The following GALNT18 variants were observed in gnomAD, a reference collection of about 807,000 sequenced individuals.
GALNT18 encodes GalNAc-transferase 18.
A neutral mutation model predicts 69.5 loss-of-function variants in GALNT18; 44 were observed. That is an observed-to-expected ratio of 0.63 (90% confidence interval 0.50 to 0.81). GALNT18 has a LOEUF of 0.81. Ranked by LOEUF, GALNT18 falls within the 40% of genes least tolerant of loss-of-function variation. The pLI, the probability that GALNT18 is intolerant of heterozygous loss-of-function variation, is 0.00. For missense variants in GALNT18, 715 were observed against 810.0 expected (o/e 0.88, Z 1.42); for synonymous variants, 364 against 318.2 (o/e 1.14, Z -1.53).
At position 11,591,022 on chromosome 11, in the gene GALNT18, C is replaced by T. The variant is rs1300780232; in HGVS notation, c.235+30337G>A. Among the ~76,000 whole-genome samples, 3 of 151,960 alleles carry T rather than the reference C, an allele frequency of 2.0e-5. No homozygotes were observed. The highest frequency in any genetic ancestry group is 4.4e-5 in the Non-Finnish European group (3 of 67,994). Reference sequence around the variant, plus strand: ...AACTGTAAGACAGTCTCAGGTAGGTCCTTCCTGAGATATTCCAGAAGAAGG... The same window carrying T: ...AACTGTAAGACAGTCTCAGGTAGGTTCTTCCTGAGATATTCCAGAAGAAGG... On this transcript the variant is annotated intron_variant, in intron 1 of 10. Transcript: ENST00000227756. This position sits in a 1 kb window ranked among gnomAD's most constrained non-coding sequence, Gnocchi z 4.8.
chr11:11,520,727 A>T (rs1857377136), intron 1 of GALNT18, among the ~76,000 whole-genome samples: 1 of 152,182 alleles, frequency 6.6e-6, no homozygotes, highest in Admixed American at 6.5e-5. Context: ...GGAGGGTTAA[A>T]GATGGGGTGG....
At chr11:11,498,538 C>G (rs1401606302) in intron 1 of GALNT18, among the ~76,000 whole-genome samples, 1 of 152,214 alleles carries the variant, frequency 6.6e-6, no homozygotes, top group Non-Finnish European at 1.5e-5. Context: ...GTGGCTAATG[C>G]CTGTAATCCC....
At chr11:11,478,810 T>C (rs904403043) in intron 1 of GALNT18, among the ~76,000 whole-genome samples, 1 of 151,846 alleles carries the variant, frequency 6.6e-6, no homozygotes, top group African/African-American at 2.4e-5. Flanking sequence ...CTCAATTGGC[T>C]TCTATGTGAA....
chr11:11,594,141 C>T (rs1859430071), intron 1 of GALNT18, among the ~76,000 whole-genome samples: 1 of 152,186 alleles, frequency 6.6e-6, no homozygotes, highest in Non-Finnish European at 1.5e-5. Context: ...AGAAGAATGT[C>T]AGGTCCAGGT....
rs4267062 is a variant in GALNT18 at position 11,601,805 on chromosome 11, T to C, written c.235+19554A>G. On this transcript the variant is annotated intron_variant, in intron 1 of 10. Transcript: ENST00000227756. The surrounding 1 kb of genome is among the most constrained non-coding windows in gnomAD (Gnocchi z 4.0). The stretch of plus-strand genomic sequence containing the variant: ...TAACATATAACAAAACCTGTTTTTT[T>C]CTCATCAATGTTATAACAAAACAAC... Among the ~76,000 whole-genome samples the C allele has an allele frequency of 2.2e-3, 342 of 152,342 alleles. 1 individual carries two copies. The highest frequency in any genetic ancestry group is 3.9e-3 in the Non-Finnish European group (262 of 68,036).
chr11:11,548,657 A>C (rs1286021087), intron 1 of GALNT18, among the ~76,000 whole-genome samples: 1 of 152,204 alleles, frequency 6.6e-6, no homozygotes, highest in Non-Finnish European at 1.5e-5. Context: ...CCATCTAAAC[A>C]AGTTCTGAAT....
At chr11:11,581,125 G>T (rs115620617) in intron 1 of GALNT18, among the ~76,000 whole-genome samples, 1 of 152,178 alleles carries the variant, frequency 6.6e-6, no homozygotes, top group African/African-American at 2.4e-5. Flanking sequence ...CCAAGGCTGC[G>T]GCAGCCAGAG....
At chr11:11,552,654 C>T (rs1858227110) in intron 1 of GALNT18, among the ~76,000 whole-genome samples, 1 of 152,138 alleles carries the variant, frequency 6.6e-6, no homozygotes, top group Non-Finnish European at 1.5e-5. Flanking sequence ...AAGGGCTCAA[C>T]AGCAGGGGCA....
chr11:11,289,528 A>C (rs1242231543), intron 10 of GALNT18, among the ~76,000 whole-genome samples: 1 of 152,110 alleles, frequency 6.6e-6, no homozygotes, highest in Non-Finnish European at 1.5e-5. Context: ...GGAAGGAGGG[A>C]GCTGGAACTT....
In GALNT18 at chr11:11,601,760, C is replaced by G. The variant is rs1452407070; in HGVS notation, c.235+19599G>C. Among the ~76,000 whole-genome samples, 1 of 152,192 alleles carries G rather than the reference C, an allele frequency of 6.6e-6. No individual in the cohort carries two copies. The highest frequency in any genetic ancestry group is 1.5e-5 in the Non-Finnish European group (1 of 68,028). ...AACATCATCAATAGATTCTTGGAAACTGTGACTTTAAGCAAAATATAACAT... is the reference window on the plus strand; with the variant it reads ...AACATCATCAATAGATTCTTGGAAAGTGTGACTTTAAGCAAAATATAACAT... On this transcript the variant is annotated intron_variant, in intron 1 of 10. Transcript: ENST00000227756. This position sits in a 1 kb window ranked among gnomAD's most constrained non-coding sequence, Gnocchi z 4.0.
chr11:11,363,345 C>G (rs1235286890), intron 6 of GALNT18, among the ~76,000 whole-genome samples: 1 of 152,028 alleles, frequency 6.6e-6, no homozygotes, highest in Admixed American at 6.6e-5. Context: ...GGTAGGACAA[C>G]CGTACAGAGA....
rs563038054 is a variant in GALNT18 at position 11,313,781 on chromosome 11, G to A, written c.1512+13305C>T. Among the ~76,000 whole-genome samples the A allele has an allele frequency of 1.3e-4, 20 of 152,298 alleles. No homozygotes were observed. In the East Asian group the frequency reaches 3.9e-3, roughly 29 times the overall value. ...AAGCCCCAGTTTTCTCACCTGTAAA[G>A]AATAGCAGTGCCTACTTCAAAGGGC... is the stretch of plus-strand genomic sequence containing the variant. On this transcript the variant is annotated intron_variant, in intron 9 of 10. Coordinates refer to ENST00000227756, the MANE Select transcript of GALNT18 (RefSeq NM_198516.3).
intron 10 of GALNT18, among the ~76,000 whole-genome samples, chr11:11,278,568 G>A (rs1349879289): frequency 6.6e-6 from 1 of 151,956 alleles, no homozygotes; most frequent in East Asian, 1.9e-4. Context: ...AGGTCATTAT[G>A]TTAAGTGAAA....
chr11:11,298,103 C>T (rs564636964), intron 9 of GALNT18, among the ~76,000 whole-genome samples: 1 of 152,284 alleles, frequency 6.6e-6, no homozygotes, highest in African/African-American at 2.4e-5. Flanking sequence ...GGAGGTTCTC[C>T]TGACTCTGTC....
At position 11,497,363 on chromosome 11, in the gene GALNT18, CACACACA is replaced by C. The variant is rs1564979380; in HGVS notation, c.236-48434_236-48428del. Reference sequence around the variant, plus strand: ...ACACACACACACACACACACACACACACACACACCCCTTAGAATGGGGCTCCTTAAGA... The same window carrying C: ...ACACACACACACACACACACACACACCCCCTTAGAATGGGGCTCCTTAAGA... On this transcript the variant is annotated intron_variant, in intron 1 of 10. Coordinates refer to ENST00000227756, the MANE Select transcript of GALNT18 (RefSeq NM_198516.3). The surrounding 1 kb of genome is among the most constrained non-coding windows in gnomAD (Gnocchi z 4.2). 3.2e-4 allele frequency among the ~76,000 whole-genome samples: 49 copies of C among 150,778 alleles called. No individual in the cohort carries two copies. The highest frequency in any genetic ancestry group is 5.8e-4 in the Non-Finnish European group (39 of 67,626).
intron 1 of GALNT18, among the ~76,000 whole-genome samples, chr11:11,510,583 G>A (rs1236404254): frequency 2.6e-5 from 4 of 152,206 alleles, no homozygotes; most frequent in Non-Finnish European, 4.4e-5. Flanking sequence ...GTATAGTGGT[G>A]AGCATAGCTG....
chr11:11,411,265 G>C (rs1414785318), intron 3 of GALNT18, among the ~76,000 whole-genome samples: 1 of 152,152 alleles, frequency 6.6e-6, no homozygotes, highest in Non-Finnish European at 1.5e-5. Flanking sequence ...AGTGAGCTGT[G>C]GTCACCACTG....
At chr11:11,345,125 T>G (rs1376482878) in intron 6 of GALNT18, among the ~76,000 whole-genome samples, 1 of 152,172 alleles carries the variant, frequency 6.6e-6, no homozygotes, top group Non-Finnish European at 1.5e-5. Context: ...CGCTCCCTTC[T>G]CAGAGACAGG....
rs1854825666 is a variant in GALNT18 at position 11,415,153 on chromosome 11, C to T, written c.595+17468G>A. On this transcript the variant is annotated intron_variant, in intron 3 of 10. Coordinates refer to ENST00000227756, the MANE Select transcript of GALNT18 (RefSeq NM_198516.3). The surrounding 1 kb of genome is among the most constrained non-coding windows in gnomAD (Gnocchi z 4.1). Reference sequence around the variant, plus strand: ...ACCAGAGTACATCTCTGTGACTTCCCCTTCTGCCATCAGCTAGAGAACACT... The same window carrying T: ...ACCAGAGTACATCTCTGTGACTTCCTCTTCTGCCATCAGCTAGAGAACACT... Among the ~76,000 whole-genome samples the T allele has an allele frequency of 6.6e-6, 1 of 152,180 alleles. No homozygotes were observed. The highest frequency in any genetic ancestry group is 6.5e-5 in the Admixed American group (1 of 15,284).
Sources: gnomAD v4.1 joint callset for allele counts (sites outside exome capture counted in the v4.1 genomes callset) on GRCh38, gnomAD v4.1.1 for gene constraint, Gnocchi (gnomAD v3.1) non-coding constraint, MANE v1.5 for transcripts, NCBI Gene and HGNC (gene_info 2026-07-23, HGNC 2026-07-21) for gene names.